Variants in BDP1 observed in about 807,000 individuals in gnomAD.
BDP1 encodes the protein transcription factor TFIIIB component B'' homolog.
BDP1 carries 169 observed loss-of-function variants against 266.6 expected under a neutral mutation model. The observed-to-expected ratio is 0.63, with a 90% CI of 0.56 to 0.72. BDP1 has a LOEUF of 0.72. Ranked by LOEUF, BDP1 falls within the 30% of genes least tolerant of loss-of-function variation. BDP1 has a pLI of 0.00. For missense variants in BDP1, 3,015 were observed against 3,053.8 expected, an observed-to-expected ratio of 0.99 and a Z score of 0.30; for synonymous variants, 1,090 against 1,022.4, an observed-to-expected ratio of 1.07 and a Z score of -1.26.
At chr5:71,527,637 G>A (rs1242015251) in intron 25 of BDP1, among the ~76,000 whole-genome samples, 1 of 152,076 alleles carries the variant, frequency 6.6e-6, no homozygotes, top group Non-Finnish European at 1.5e-5. Flanking sequence ...TTGTGTGTGT[G>A]TATCATGTTT....
intron 28 of BDP1, among the ~76,000 whole-genome samples, chr5:71,541,028 C>T (rs1172459445): frequency 1.3e-5 from 2 of 152,244 alleles, no homozygotes; most frequent in Admixed American, 1.3e-4. Context: ...GTATAGGGCT[C>T]CTTTCTTAGT....
rs1742183995 is a variant in BDP1, at chr5:71,545,081, G to A, written c.6606G>A (p.Leu2202=). The A allele has an allele frequency of 6.2e-7, 1 of 1,613,522 alleles. No homozygotes were observed. Among genetic ancestry groups the A allele is most frequent in the Non-Finnish European group, 8.5e-7 (1 of 1,179,768 alleles). The change falls in exon 32 of 39, where the codon TTG becomes TTA. Residue 2202 remains leucine, a synonymous_variant. Transcript: ENST00000358731. ...QEESSQEVHM[L]SVAPVASSET... is the part of the protein sequence containing the mutation. ...AGAGCTCTCAGGAGGTTCACATGTTGTCAGTTGCTCCAGTTGCTTCCTCTG... is the reference window on the plus strand; with the variant it reads ...AGAGCTCTCAGGAGGTTCACATGTTATCAGTTGCTCCAGTTGCTTCCTCTG...
In BDP1 at chr5:71,470,450, C is replaced by A; in HGVS notation, c.975C>A (p.Ile325=). ...TGGTAGGAACTGACTTTTCTATGAT[C>A]GGACAACTTTTTCCTCACAGAGCAA... ...ISMVGTDFSM[I]GQLFPHRARI... Residue 325 remains isoleucine (I), a synonymous_variant, in exon 7 of 39, where the codon ATC becomes ATA. Coordinates refer to ENST00000358731, the MANE Select transcript of BDP1 (RefSeq NM_018429.3). The A allele has an allele frequency of 6.2e-7, 1 of 1,612,214 alleles. No homozygotes were observed. Among genetic ancestry groups the A allele is most frequent in the Non-Finnish European group, 8.5e-7 (1 of 1,179,152 alleles).
At chr5:71,573,304 A>G in the BDP1 span, among the ~76,000 whole-genome samples, 1 of 152,116 alleles carries the variant, frequency 6.6e-6, no homozygotes, top group African/African-American at 2.4e-5. Context: ...CACCTGCTCC[A>G]GTTGCAGAAC....
At position 71,513,237 on chromosome 5, in the gene BDP1, G is replaced by A. The variant is rs372011634; in HGVS notation, c.4300G>A (p.Val1434Met). Reference sequence around the variant, plus strand: ...ACTTGAAATTAAACCAGCACCTTTTGTGAGGAGCCGATTCAAAAGACCAAA... The same window carrying A: ...ACTTGAAATTAAACCAGCACCTTTTATGAGGAGCCGATTCAAAAGACCAAA... Reference protein sequence around the residue: ...KPLEIKPAPFVRSRFKRPKPN... With the variant: ...KPLEIKPAPFMRSRFKRPKPN... The change falls in exon 19 of 39, where the codon GTG becomes ATG. Residue 1434 changes from valine to methionine, a missense_variant. Around this residue, in one of 3 missense-constraint regions of BDP1, gnomAD observed 2,383 missense variants for 2,404.9 expected, o/e 0.99. Coordinates refer to ENST00000358731, the MANE Select transcript of BDP1 (RefSeq NM_018429.3). 29 of 1,613,818 alleles carry A rather than the reference G, an allele frequency of 1.8e-5. No homozygotes were observed. The highest frequency in any genetic ancestry group is 2.3e-5 in the Non-Finnish European group (27 of 1,179,996).
chr5:71,506,816 CACACACA>C (rs1281497605), intron 16 of BDP1, among the ~76,000 whole-genome samples: 32 of 142,838 alleles, frequency 2.2e-4, no homozygotes, highest in East Asian at 6.2e-4. Context: ...CACACACACA[CACACACA>C]CCCATATTTT....
Position 71,521,092 on chromosome 5 carries a change from G to C in BDP1, c.4992-1197G>C, listed in dbSNP as rs556664768. Among the ~76,000 whole-genome samples the C allele has an allele frequency of 6.6e-5, 10 of 151,216 alleles. No homozygotes were observed. The South Asian group carries it at 2.1e-3, about 32-fold the overall frequency. ...AATCCCAGCTACTTGAGAGACTGAGGCAGGAGAATCGCTTGAACCTGGAGG... is the reference window on the plus strand; with the variant it reads ...AATCCCAGCTACTTGAGAGACTGAGCCAGGAGAATCGCTTGAACCTGGAGG... On this transcript the variant is annotated intron_variant, in intron 22 of 38. Transcript: ENST00000358731.
intron 25 of BDP1, among the ~76,000 whole-genome samples, chr5:71,527,362 G>C (rs1396018990): frequency 6.6e-6 from 1 of 152,120 alleles, no homozygotes; most frequent in Non-Finnish European, 1.5e-5. Flanking sequence ...GGTCTGCCTT[G>C]CACCCCTGGC....
At position 71,495,218 on chromosome 5, in the gene BDP1, CTT is replaced by C. The variant is rs563786954; in HGVS notation, c.1641-29_1641-28del. On this transcript the variant is annotated intron_variant, in intron 11 of 38. Coordinates refer to ENST00000358731, the MANE Select transcript of BDP1 (RefSeq NM_018429.3). ...TATAAAATATATATCATTAGGAATT[CTT>C]TTCTCTCTGAAATATTTTCTTTTTT... The C allele has an allele frequency of 4.0e-5, 55 of 1,379,540 alleles. 1 individual carries two copies. The African/African-American group carries it at 7.7e-4, about 19-fold the overall frequency. The allele number at this position is 1,379,540 out of a possible 1,614,324, so 85.5% of individuals were successfully genotyped here.
Position 71,532,288 on chromosome 5 carries a change from A to G in BDP1, c.5773-20A>G. 9.3e-6 allele frequency: 15 copies of G among 1,610,532 alleles called. No homozygotes were observed. The highest frequency in any genetic ancestry group is 1.0e-5 in the Non-Finnish European group (12 of 1,178,108). The stretch of plus-strand genomic sequence containing the variant: ...GTTTATAATATGCCAAAATGAAATG[A>G]TAAAACTTTATTTTGACAGCTTGAA... On this transcript the variant is annotated intron_variant, in intron 25 of 38. Coordinates refer to ENST00000358731, the MANE Select transcript of BDP1 (RefSeq NM_018429.3).
chr5:71,506,230 C>T (rs985462032), intron 16 of BDP1, among the ~76,000 whole-genome samples: 1 of 152,152 alleles, frequency 6.6e-6, no homozygotes, highest in African/African-American at 2.4e-5. Flanking sequence ...CTGGTGGACA[C>T]TGTAACTAAT....
At position 71,559,854 on chromosome 5, in the gene BDP1, A is replaced by G. The variant is rs182197644; in HGVS notation, c.7241-128A>G. ...AATAATCCAAGTAACTCCACTAATG[A>G]TAATTTAGCTTACTCTTATTAGGGT... On this transcript the variant is annotated intron_variant, in intron 36 of 38. Coordinates refer to ENST00000358731, the MANE Select transcript of BDP1 (RefSeq NM_018429.3). 1.5e-4 allele frequency: 136 copies of G among 882,850 alleles called. No homozygotes were observed. The African/African-American group carries it at 2.3e-3, about 15-fold the overall frequency. 54.7% of individuals were successfully genotyped at this position (882,850 alleles called of 1,614,324 possible).
At chr5:71,496,645 C>T (rs573210834) in intron 12 of BDP1, among the ~76,000 whole-genome samples, 2 of 152,188 alleles carry the variant, frequency 1.3e-5, no homozygotes, top group Admixed American at 1.3e-4. Context: ...TGCAGTGGCA[C>T]CATCTTGGCT....
Position 71,539,544 on chromosome 5 carries a change from A to G in BDP1, c.5930-13A>G, listed in dbSNP as rs1260739326. On this transcript the variant is annotated splice_polypyrimidine_tract_variant and intron_variant, in intron 27 of 38. Coordinates refer to ENST00000358731, the MANE Select transcript of BDP1 (RefSeq NM_018429.3). ...TCATTCTTTTTTTTAATGTTGATAT[A>G]TTTCCTCACAAGGTACCAATGATGG... 2 of 1,588,828 alleles carry G rather than the reference A, an allele frequency of 1.3e-6. No homozygotes were observed. The highest frequency in any genetic ancestry group is 1.7e-5 in the Admixed American group (1 of 57,528).
At chr5:71,530,501 C>G (rs1766174267) in intron 25 of BDP1, among the ~76,000 whole-genome samples, 1 of 152,114 alleles carries the variant, frequency 6.6e-6, no homozygotes, top group South Asian at 2.1e-4. Context: ...ACCTCAGCCT[C>G]CCAAAGTGCT....
intron 26 of BDP1, among the ~76,000 whole-genome samples, chr5:71,537,261 T>C (rs1580171526): frequency 6.7e-6 from 1 of 150,162 alleles, no homozygotes; most frequent in Non-Finnish European, 1.5e-5. Flanking sequence ...CCAGTTAATA[T>C]AGTGGAATGT....
At chr5:71,457,664 A>G (rs1468778787) in intron 1 of BDP1, among the ~76,000 whole-genome samples, 1 of 152,086 alleles carries the variant, frequency 6.6e-6, no homozygotes, top group African/African-American at 2.4e-5. Flanking sequence ...TATAGGATAT[A>G]TATTCTGTCA....
chr5:71,543,958 T>A (rs1213794871), intron 30 of BDP1, among the ~76,000 whole-genome samples: 2 of 150,704 alleles, frequency 1.3e-5, no homozygotes, highest in African/African-American at 5.0e-5. Context: ...ATAGAAGTCT[T>A]TTTTTCCCCG....
At chr5:71,474,982 A>T (rs1057390698) in intron 7 of BDP1, among the ~76,000 whole-genome samples, 1 of 152,152 alleles carries the variant, frequency 6.6e-6, no homozygotes, top group African/African-American at 2.4e-5. Context: ...TATTAAATGC[A>T]TAACACTAAT....
Sources: allele counts gnomAD v4.1 joint callset (sites outside exome capture counted in the v4.1 genomes callset), GRCh38; gene constraint gnomAD v4.1.1; regional missense constraint gnomAD v4.1.1; transcripts MANE v1.5; gene names NCBI Gene and HGNC (gene_info 2026-07-23, HGNC 2026-07-21).